PARP8: variants seen among roughly 807,000 people sequenced by gnomAD.
The protein encoded by PARP8 is poly(ADP-ribose) polymerase family member 8.
In PARP8, 51 loss-of-function variants were observed where a neutral mutation model predicts 124.1. The observed-to-expected ratio is 0.41, with a 90% confidence interval of 0.33 to 0.52. PARP8 has a LOEUF of 0.52. PARP8 is among the 20% of genes least tolerant of loss of function. The pLI is 0.21. For missense variants in PARP8, 860 were observed against 1,018.9 expected, an observed-to-expected ratio of 0.84 and a Z score of 2.12; for synonymous variants, 391 against 361.5, an observed-to-expected ratio of 1.08 and a Z score of -0.93.
intron 2 of PARP8, among the ~76,000 whole-genome samples, chr5:50,683,623 T>G (rs971682113): frequency 2.9e-5 from 2 of 69,586 alleles, no homozygotes; most frequent in African/African-American, 6.4e-5. Context: ...ATTTTCACAG[T>G]GTGTAGTTAT....
intron 7 of PARP8, among the ~76,000 whole-genome samples, chr5:50,767,500 A>C (rs576893714): frequency 3.3e-5 from 5 of 152,332 alleles, no homozygotes; most frequent in African/African-American, 1.2e-4. Context: ...CAGATCCTAG[A>C]CACTAACCAC....
intron 2 of PARP8, among the ~76,000 whole-genome samples, chr5:50,678,139 C>T: frequency 6.6e-6 from 1 of 152,066 alleles, no homozygotes; most frequent in Middle Eastern, 3.4e-3. Flanking sequence ...TAAAACTATA[C>T]TAAACAAAAA....
intron 19 of PARP8, 39 bp downstream of exon 19, chr5:50,826,842 A>G: frequency 6.3e-7 from 1 of 1,582,868 alleles, no homozygotes. Context: ...GCATACAGAA[A>G]TGGGAGGAGT....
chr5:50,725,326 T>C (rs1016958798), intron 2 of PARP8, among the ~76,000 whole-genome samples: 4 of 152,062 alleles, frequency 2.6e-5, no homozygotes, highest in Non-Finnish European at 4.4e-5. Context: ...ACCAGTAAAA[T>C]AAATTTCATT....
intron 2 of PARP8, among the ~76,000 whole-genome samples, chr5:50,747,761 CTTTTTTTTTTTTTT>C (rs70972943): frequency 3.8e-5 from 2 of 52,936 alleles, no homozygotes; most frequent in African/African-American, 1.0e-4. Context: ...ATAGACCTTG[CTTTTTTTTTTTTTT>C]TTTTTTTTTT....
chr5:50,833,521 A>C (rs1208272731), intron 23 of PARP8: 2 of 350,872 alleles, frequency 5.7e-6, no homozygotes, highest in Non-Finnish European at 1.1e-5. Context: ...TGAAAAAAAA[A>C]AAAATCCCAG....
intron 15 of PARP8, among the ~76,000 whole-genome samples, chr5:50,818,606 T>C (rs1306757575): frequency 5.9e-5 from 9 of 152,108 alleles, no homozygotes; most frequent in African/African-American, 1.9e-4. Flanking sequence ...CTTGAACTCC[T>C]GGGCTCAAGT....
intron 22 of PARP8, among the ~76,000 whole-genome samples, chr5:50,832,006 C>T (rs914361198): frequency 7.9e-5 from 12 of 152,254 alleles, no homozygotes; most frequent in African/African-American, 2.4e-4. Flanking sequence ...AAATCCAAGG[C>T]CTTCTCCTCA....
chr5:50,833,311 T>C (rs1747191466), intron 23 of PARP8: 1 of 350,100 alleles, frequency 2.9e-6, no homozygotes, highest in Non-Finnish European at 5.6e-6. Context: ...GAAGGTGACA[T>C]TTGAGTCAAG....
At chr5:50,684,737 T>G (rs188463117) in intron 2 of PARP8, among the ~76,000 whole-genome samples, 32 of 152,278 alleles carry the variant, frequency 2.1e-4, no homozygotes, top group African/African-American at 6.7e-4. Flanking sequence ...AAAAAATAAT[T>G]ATCAGGATGG....
chr5:50,793,743 C>T (rs1262611726), intron 10 of PARP8, among the ~76,000 whole-genome samples: 1 of 151,876 alleles, frequency 6.6e-6, no homozygotes, highest in African/African-American at 2.4e-5. Context: ...CGAAGCAAGT[C>T]AAGTAAAAAG....
chr5:50,689,337 G>A (rs1752244038), intron 2 of PARP8, among the ~76,000 whole-genome samples: 1 of 152,168 alleles, frequency 6.6e-6, no homozygotes, highest in Admixed American at 6.5e-5. Flanking sequence ...TGAAATTAGA[G>A]CCACTTAATT....
chr5:50,829,198 G>A (rs559346588), intron 21 of PARP8, among the ~76,000 whole-genome samples: 3 of 152,094 alleles, frequency 2.0e-5, no homozygotes, highest in Non-Finnish European at 2.9e-5. Flanking sequence ...CTTTATTTAT[G>A]CCTTTCATCC....
intron 18 of PARP8, among the ~76,000 whole-genome samples, chr5:50,826,509 C>A (rs1746366911): frequency 1.3e-5 from 2 of 152,014 alleles, no homozygotes; most frequent in Non-Finnish European, 1.5e-5. Context: ...TTATTAAAAA[C>A]TATGTCTTAA....
chr5:50,666,916 C>T lies in PARP8; in HGVS notation c.-180C>T, dbSNP rs1238288555. Reference sequence around the variant, plus strand: ...AAGCCGACCTCCCCCTCCTCCTCCTCCTCCCCCTCCTCCTCCTCCTCTTCT... The same window carrying T: ...AAGCCGACCTCCCCCTCCTCCTCCTTCTCCCCCTCCTCCTCCTCCTCTTCT... On this transcript the variant is annotated 5_prime_UTR_variant, in exon 1 of 26. Coordinates refer to ENST00000281631, the MANE Select transcript of PARP8 (RefSeq NM_024615.4). The T allele has an allele frequency of 2.2e-6, 3 of 1,343,198 alleles. No homozygotes were observed. In the African/African-American group the frequency reaches 4.5e-5, roughly 20 times the overall value. 83.2% of individuals were successfully genotyped at this position (1,343,198 alleles called of 1,614,324 possible). A position where few individuals can be genotyped will look rare whatever the true frequency, so the allele number is the denominator to read the frequency against.
Position 50,794,967 on chromosome 5 carries a change from C to G in PARP8, c.978C>G (p.Val326=). 1 of 1,614,188 alleles carries G rather than the reference C, an allele frequency of 6.2e-7. No homozygotes were observed. Among genetic ancestry groups the G allele is most frequent in the Non-Finnish European group, 8.5e-7 (1 of 1,180,032 alleles). ...TGCGGAGGACTTGTTCCAGCACAGT[C>G]AAGACTGATGATGTGTGTGTCACAA... ...KLLRRTCSST[V]KTDDVCVTKS... is the part of the protein sequence containing the mutation. The change falls in exon 12 of 26, where the codon GTC becomes GTG. Residue 326 remains valine, a synonymous_variant. Coordinates refer to ENST00000281631, the MANE Select transcript of PARP8 (RefSeq NM_024615.4).
intron 19 of PARP8, 74 bp downstream of exon 19, chr5:50,826,877 T>A: frequency 6.5e-7 from 1 of 1,533,290 alleles, no homozygotes; most frequent in Non-Finnish European, 8.7e-7. Context: ...AGAACCTACC[T>A]TGTAATTTTT....
At chr5:50,713,099 C>T (rs970039352) in intron 2 of PARP8, among the ~76,000 whole-genome samples, 3 of 151,886 alleles carry the variant, frequency 2.0e-5, no homozygotes, top group African/African-American at 7.3e-5. Flanking sequence ...ATTAATTGTG[C>T]TTTATTTTCC....
Position 50,845,115 on chromosome 5 carries a change from TAA to T in PARP8, c.*3048_*3049del. 1 of 151,830 alleles carries T rather than the reference TAA, an allele frequency of 6.6e-6. No individual in the cohort carries two copies. Among genetic ancestry groups the T allele is most frequent in the South Asian group, 2.1e-4 (1 of 4,826 alleles). 9.4% of individuals were successfully genotyped at this position (151,830 alleles called of 1,614,324 possible). The stretch of plus-strand genomic sequence containing the variant: ...CTCTGAATGTTTTTCTTTGAAAATT[TAA>T]GTTTAGAGAAGAAATTCCTTCATTT... On this transcript the variant is annotated 3_prime_UTR_variant, in exon 26 of 26. Coordinates refer to ENST00000281631, the MANE Select transcript of PARP8 (RefSeq NM_024615.4).
Sources: gnomAD v4.1 joint callset for allele counts (sites outside exome capture counted in the v4.1 genomes callset) on GRCh38, gnomAD v4.1.1 for gene constraint, MANE v1.5 for transcripts, NCBI Gene and HGNC (gene_info 2026-07-23, HGNC 2026-07-21) for gene names.